ERN1: variants seen among roughly 807,000 people sequenced by gnomAD.
ERN1 encodes the protein serine/threonine-protein kinase/endoribonuclease IRE1.
In ERN1, 39 loss-of-function variants were observed where a neutral mutation model predicts 113.1. That is an observed-to-expected ratio of 0.34 (90% CI 0.27 to 0.45). The LOEUF (loss-of-function observed/expected upper bound fraction) is 0.45. Among genes scored for constraint, ERN1 ranks in the 20% least tolerant of loss-of-function variants. ERN1 has a pLI of 1.00. For missense variants in ERN1, 976 were observed against 1,274.8 expected, an observed-to-expected ratio of 0.77 and a Z score of 3.57; for synonymous variants, 507 against 515.9, an observed-to-expected ratio of 0.98 and a Z score of 0.23.
intron 1 of ERN1, among the ~76,000 whole-genome samples, chr17:64,107,874 G>A (rs1914571203): frequency 6.6e-6 from 1 of 152,168 alleles, no homozygotes; most frequent in African/African-American, 2.4e-5. Context: ...TCCAAATTCT[G>A]TTATACTTCG....
chr17:64,107,519 A>G (rs1212556373), intron 1 of ERN1, among the ~76,000 whole-genome samples: 1 of 152,058 alleles, frequency 6.6e-6, no homozygotes, highest in Non-Finnish European at 1.5e-5. Context: ...ATGGGGTCCT[A>G]CTATGTTGCC....
chr17:64,066,892 C>T lies in ERN1; in HGVS notation c.621G>A (p.Val207=), dbSNP rs1334669930. The T allele has an allele frequency of 1.2e-6, 2 of 1,613,924 alleles. No homozygotes were observed. The highest frequency in any genetic ancestry group is 2.2e-5 in the South Asian group (2 of 91,054). ...CGTCCCCAGATTCACTGTCCACAGT[C>T]ACCACCAGCCCATCACCATTGGACA... ...HFVSNGDGLV[V]TVDSESGDVL... The change falls in exon 8 of 22, where the codon GTG becomes GTA. Residue 207 remains valine, a synonymous_variant. Coordinates refer to ENST00000433197, the MANE Select transcript of ERN1 (RefSeq NM_001433.5).
At chr17:64,111,249 GAT>G (rs1914663659) in intron 1 of ERN1, among the ~76,000 whole-genome samples, 2 of 152,104 alleles carry the variant, frequency 1.3e-5, no homozygotes. Context: ...TGGCTATAAT[GAT>G]CCTATAAAGG....
intron 1 of ERN1, among the ~76,000 whole-genome samples, chr17:64,126,246 T>C (rs527326004): frequency 6.6e-6 from 1 of 152,350 alleles, no homozygotes; most frequent in Admixed American, 6.5e-5. Flanking sequence ...AGATGATACA[T>C]TAGGCTTTTC....
At chr17:64,060,326 TTA>T in intron 11 of ERN1, 141 bp downstream of exon 11, 1 of 633,830 alleles carries the variant, frequency 1.6e-6, no homozygotes, top group Non-Finnish European at 2.8e-6. Context: ...CCTTAACCAT[TTA>T]TGTTTTTTGC....
At position 64,060,606 on chromosome 17, in the gene ERN1, C is replaced by T. The variant is rs747356195; in HGVS notation, c.1088-19G>A. The T allele has an allele frequency of 1.9e-6, 3 of 1,567,560 alleles. No homozygotes were observed. Among genetic ancestry groups the T allele is most frequent in the South Asian group, 1.1e-5 (1 of 90,038 alleles). On this transcript the variant is annotated intron_variant, in intron 10 of 21. Coordinates refer to ENST00000433197, the MANE Select transcript of ERN1 (RefSeq NM_001433.5). The stretch of plus-strand genomic sequence containing the variant: ...TGGTGTCCTATGACAGGAAACAAAA[C>T]CTTTAGTGAGAACAATTTCCCGAGC...
intron 1 of ERN1, among the ~76,000 whole-genome samples, chr17:64,111,127 T>C (rs1398223329): frequency 1.3e-5 from 2 of 152,208 alleles, no homozygotes; most frequent in African/African-American, 2.4e-5. Flanking sequence ...CAAGGGACCA[T>C]ATTATAAAAT....
At position 64,105,960 on chromosome 17, in the gene ERN1, C is replaced by CA. The variant is rs1176683809; in HGVS notation, c.55-7720dup. 9.7e-3 allele frequency among the ~76,000 whole-genome samples: 948 copies of CA among 97,552 alleles called. 6 individuals carry two copies. Among genetic ancestry groups the CA allele is most frequent in the African/African-American group, 0.026 (686 of 26,368 alleles). 64.0% of individuals were successfully genotyped at this position (97,552 alleles called of 152,430 possible). ...AGGCGACAAGAGCAAAACTCCAACT[C>CA]AAAAAAAAAAAAAAGAAAGAAAACC... On this transcript the variant is annotated intron_variant, in intron 1 of 21. Transcript: ENST00000433197.
At chr17:64,121,272 G>A (rs191883158) in intron 1 of ERN1, among the ~76,000 whole-genome samples, 48 of 152,278 alleles carry the variant, frequency 3.2e-4, no homozygotes, top group Non-Finnish European at 5.3e-4. Context: ...GAACCAGCAC[G>A]GTAATGCAAG....
chr17:64,129,727 C>T (rs1915183534), intron 1 of ERN1: 1 of 383,902 alleles, frequency 2.6e-6, no homozygotes, highest in South Asian at 1.4e-4. Flanking sequence ...CCGTGACAGC[C>T]GCGCTGGCTT....
intron 1 of ERN1, among the ~76,000 whole-genome samples, chr17:64,109,677 T>A (rs2143479041): frequency 6.6e-6 from 1 of 152,320 alleles, no homozygotes; most frequent in East Asian, 1.9e-4. Flanking sequence ...AGAGATTACC[T>A]TACCCAACCC....
At position 64,129,997 on chromosome 17, in the gene ERN1, C is replaced by T. The variant is rs1335695465; in HGVS notation, c.33G>A (p.Thr11=). The T allele has an allele frequency of 1.4e-6, 2 of 1,448,712 alleles. No homozygotes were observed. The highest frequency in any genetic ancestry group is 2.6e-5 in the Admixed American group (1 of 38,378). 89.7% of individuals were successfully genotyped at this position (1,448,712 alleles called of 1,614,324 possible). Residue 11 remains threonine (T), a synonymous_variant, in exon 1 of 22, where the codon ACG becomes ACA. Transcript: ENST00000433197. MPARRLLLLL[T]LLLPGLGIFG... ...TCACCCCGAGGCCGGGCAGCAGCAG[C>T]GTCAGCAGCAGCAGCAGCCGCCGGG...
chr17:64,117,679 C>T (rs953053723), intron 1 of ERN1, among the ~76,000 whole-genome samples: 1 of 152,034 alleles, frequency 6.6e-6, no homozygotes, highest in Non-Finnish European at 1.5e-5. Context: ...ATCTAGTCTA[C>T]GAGAGTACAG....
chr17:64,070,546 T>A (rs144330547), intron 6 of ERN1, among the ~76,000 whole-genome samples: 135 of 152,340 alleles, frequency 8.9e-4, no homozygotes, highest in African/African-American at 3.0e-3. Context: ...CTGGAATACA[T>A]GATTTCTACA....
chr17:64,104,020 C>T (rs532351518), intron 1 of ERN1, among the ~76,000 whole-genome samples: 33 of 151,878 alleles, frequency 2.2e-4, no homozygotes, highest in African/African-American at 6.5e-4. Flanking sequence ...AGGAGGATTG[C>T]TTGAACCCAG....
chr17:64,119,162 C>T (rs1205059736), intron 1 of ERN1, among the ~76,000 whole-genome samples: 1 of 151,914 alleles, frequency 6.6e-6, no homozygotes, highest in Non-Finnish European at 1.5e-5. Context: ...AATAAATAAA[C>T]AAGCATAAGT....
intron 5 of ERN1, among the ~76,000 whole-genome samples, chr17:64,074,469 G>A (rs1913525736): frequency 6.6e-6 from 1 of 152,146 alleles, no homozygotes; most frequent in South Asian, 2.1e-4. Context: ...AAGAGTCTCA[G>A]TGTCCTGAGC....
intron 1 of ERN1, among the ~76,000 whole-genome samples, chr17:64,111,601 T>C (rs1330341715): frequency 1.3e-5 from 2 of 152,024 alleles, no homozygotes; most frequent in South Asian, 4.1e-4. Context: ...AGGTGATCCA[T>C]CCACCTCAGC....
intron 11 of ERN1, among the ~76,000 whole-genome samples, 196 bp from the exon 12 acceptor site, chr17:64,058,189 G>A (rs1014081726): frequency 6.6e-6 from 1 of 152,222 alleles, no homozygotes; most frequent in African/African-American, 2.4e-5. Context: ...GAGAGGCCAT[G>A]CATCTTTGCA....
Sources: gnomAD v4.1 joint callset for allele counts (sites outside exome capture counted in the v4.1 genomes callset) on GRCh38, gnomAD v4.1.1 for gene constraint, MANE v1.5 for transcripts, NCBI Gene and HGNC (gene_info 2026-07-23, HGNC 2026-07-21) for gene names.